Variants in SEMA5A observed in about 807,000 individuals in gnomAD.
SEMA5A encodes the protein semaphorin 5A.
In SEMA5A, 55 loss-of-function variants were observed where a neutral mutation model predicts 135.5. That is an observed-to-expected ratio of 0.41 (90% CI 0.33 to 0.51). The LOEUF (loss-of-function observed/expected upper bound fraction) is 0.51. SEMA5A is among the 20% of genes least tolerant of loss of function. SEMA5A has a pLI of 0.37. For synonymous variants in SEMA5A, 580 were observed against 546.5 expected (o/e 1.06, Z -0.85); for missense variants, 1,290 against 1,419.9 (o/e 0.91, Z 1.47).
chr5:9,352,094 C>CGGTG (rs1554023405), intron 3 of SEMA5A, among the ~76,000 whole-genome samples: 3 of 132,358 alleles, frequency 2.3e-5, no homozygotes, highest in South Asian at 2.9e-4. Context: ...TGTAACAGGT[C>CGGTG]GGGGGGGTTA....
chr5:9,490,252 G>A (rs1182306132), intron 1 of SEMA5A, among the ~76,000 whole-genome samples: 1 of 151,988 alleles, frequency 6.6e-6, no homozygotes, highest in African/African-American at 2.4e-5. Context: ...TTCACTAAAG[G>A]CCTAACACAG....
chr5:9,117,662 C>T (rs774020271), intron 15 of SEMA5A, among the ~76,000 whole-genome samples: 10 of 152,092 alleles, frequency 6.6e-5, no homozygotes, highest in Non-Finnish European at 1.5e-4. Flanking sequence ...CATGTCACTG[C>T]TAGAAAAGTT....
intron 11 of SEMA5A, among the ~76,000 whole-genome samples, chr5:9,166,301 TG>T (rs771441878): frequency 6.6e-5 from 10 of 152,040 alleles, no homozygotes; most frequent in Non-Finnish European, 1.3e-4. Flanking sequence ...GTGTGGCCTC[TG>T]GGGCACAACA....
At chr5:9,529,789 G>T (rs561013699) in intron 1 of SEMA5A, among the ~76,000 whole-genome samples, 1 of 152,206 alleles carries the variant, frequency 6.6e-6, no homozygotes, top group Non-Finnish European at 1.5e-5. Flanking sequence ...CTCAAGAAGA[G>T]GGTGGGGGTA....
At position 9,304,802 on chromosome 5, in the gene SEMA5A, T is replaced by C. The variant is rs575373115; in HGVS notation, c.270+13570A>G. Among the ~76,000 whole-genome samples the C allele has an allele frequency of 7.2e-5, 11 of 152,340 alleles. No homozygotes were observed. The South Asian group carries it at 2.3e-3, about 32-fold the overall frequency. ...TGCAGTACCTACATAACTATGCAAA[T>C]ACTCTTCACAGATGGGCCATGAAAT... On this transcript the variant is annotated intron_variant, in intron 5 of 22. Transcript: ENST00000382496.
intron 11 of SEMA5A, among the ~76,000 whole-genome samples, chr5:9,182,335 C>G (rs923207306): frequency 2.0e-5 from 3 of 152,106 alleles, no homozygotes; most frequent in Admixed American, 6.6e-5. Flanking sequence ...CACCCATTCT[C>G]TCACTCCTCC....
intron 19 of SEMA5A, among the ~76,000 whole-genome samples, chr5:9,053,146 C>T (rs1402948442): frequency 1.3e-5 from 2 of 152,186 alleles, no homozygotes; most frequent in African/African-American, 4.8e-5. Flanking sequence ...AGCTCATTTT[C>T]ATTCCAGGTC....
At chr5:9,490,795 C>T (rs1734964604) in intron 1 of SEMA5A, among the ~76,000 whole-genome samples, 1 of 152,130 alleles carries the variant, frequency 6.6e-6, no homozygotes, top group South Asian at 2.1e-4. Context: ...TGGACAATGA[C>T]CTCACACTTA....
At position 9,407,796 on chromosome 5, in the gene SEMA5A, G is replaced by C. The variant is rs192572683; in HGVS notation, c.-77-27773C>G. ...GCAGTGGCCTGCCAGATTCCTTTAAGCTCTGGATGGTGAGTACCTAGCGCA... is the reference window on the plus strand; with the variant it reads ...GCAGTGGCCTGCCAGATTCCTTTAACCTCTGGATGGTGAGTACCTAGCGCA... On this transcript the variant is annotated intron_variant, in intron 2 of 22. Transcript: ENST00000382496. Among the ~76,000 whole-genome samples the C allele has an allele frequency of 2.2e-4, 34 of 152,194 alleles. No individual in the cohort carries two copies. In the East Asian group the frequency reaches 6.2e-3, roughly 28 times the overall value.
intron 5 of SEMA5A, among the ~76,000 whole-genome samples, chr5:9,256,571 T>C (rs990836700): frequency 3.9e-5 from 6 of 152,248 alleles, no homozygotes; most frequent in Non-Finnish European, 5.9e-5. Flanking sequence ...TCACTGCATT[T>C]GAATTCTTGG....
At chr5:9,468,927 T>C (rs1175038971) in intron 1 of SEMA5A, among the ~76,000 whole-genome samples, 6 of 152,206 alleles carry the variant, frequency 3.9e-5, no homozygotes, top group African/African-American at 1.4e-4. Flanking sequence ...TTTCGTATGT[T>C]GTAAGAGGTT....
At chr5:9,433,637 C>G (rs1757930087) in intron 2 of SEMA5A, among the ~76,000 whole-genome samples, 1 of 142,480 alleles carries the variant, frequency 7.0e-6, no homozygotes, top group South Asian at 2.6e-4. Flanking sequence ...TCTCTCACCT[C>G]TTCTCAGAGT....
At chr5:9,391,421 A>C (rs1449668500) in intron 2 of SEMA5A, among the ~76,000 whole-genome samples, 2 of 140,536 alleles carry the variant, frequency 1.4e-5, no homozygotes, top group Admixed American at 7.7e-5. Context: ...TGAAACTGCA[A>C]CTTCATCTGC....
intron 4 of SEMA5A, among the ~76,000 whole-genome samples, chr5:9,329,383 G>A (rs1383633745): frequency 6.6e-6 from 1 of 152,196 alleles, no homozygotes; most frequent in Non-Finnish European, 1.5e-5. Context: ...GTGGCTGTGT[G>A]CCAATAAAAG....
At chr5:9,170,867 C>G (rs1435994344) in intron 11 of SEMA5A, among the ~76,000 whole-genome samples, 1 of 152,170 alleles carries the variant, frequency 6.6e-6, no homozygotes, top group African/African-American at 2.4e-5. Flanking sequence ...AACAGTCCTA[C>G]TGGGGAGTTT....
chr5:9,222,972 A>G (rs981846124), intron 8 of SEMA5A, among the ~76,000 whole-genome samples: 2 of 152,204 alleles, frequency 1.3e-5, no homozygotes, highest in African/African-American at 4.8e-5. Flanking sequence ...CTAATTACAA[A>G]GCTTTTATTG....
rs111567184 is a variant in SEMA5A, at chr5:9,365,605, C to T, written c.124+14218G>A. 4.3e-3 allele frequency among the ~76,000 whole-genome samples: 653 copies of T among 152,256 alleles called. 9 individuals carry two copies. The highest frequency in any genetic ancestry group is 0.015 in the African/African-American group (634 of 41,550). ...GTTCCTCACTCACCTAATCCTGGTC[C>T]CAGGCCTGCTGGACTCAGGACATAA... On this transcript the variant is annotated intron_variant, in intron 3 of 22. Transcript: ENST00000382496.
At position 9,154,528 on chromosome 5, in the gene SEMA5A, T is replaced by G. The variant is rs1742844008; in HGVS notation, c.1441A>C (p.Lys481Gln). Residue 481 changes from lysine (K) to glutamine (Q), a missense_variant, in exon 12 of 23, where the codon AAG becomes CAG. This residue lies in a region of SEMA5A where 1,029 missense variants were observed against 1,086.6 expected (regional missense o/e 0.95). Transcript: ENST00000382496. ...AACTGGCACCTCTTCAGGGGGATCT[T>G]GACCACGTGCTCCCGCAGGCCCACG... is the stretch of plus-strand genomic sequence containing the variant. ...LFVGLREHVV[K>Q]IPLKRCQFYR... The G allele has an allele frequency of 6.2e-7, 1 of 1,612,340 alleles. No homozygotes were observed. Among genetic ancestry groups the G allele is most frequent in the Non-Finnish European group, 8.5e-7 (1 of 1,180,004 alleles).
In SEMA5A at chr5:9,294,128, A is replaced by G. The variant is rs78976119; in HGVS notation, c.270+24244T>C. 1.0e-3 allele frequency among the ~76,000 whole-genome samples: 153 copies of G among 152,342 alleles called. 1 individual carries two copies. Among genetic ancestry groups the G allele is most frequent in the African/African-American group, 3.6e-3 (148 of 41,580 alleles). On this transcript the variant is annotated intron_variant, in intron 5 of 22. Transcript: ENST00000382496. The stretch of plus-strand genomic sequence containing the variant: ...CTCAGGTCACATACAGCAATGGGTG[A>G]TCTCCAAATCTTGTCTCCCTGTCTT...
Sources: gnomAD v4.1 joint callset for allele counts (sites outside exome capture counted in the v4.1 genomes callset) on GRCh38, gnomAD v4.1.1 for gene constraint, gnomAD v4.1.1 regional missense constraint, MANE v1.5 for transcripts, NCBI Gene and HGNC (gene_info 2026-07-23, HGNC 2026-07-21) for gene names.